Variants in SDK1 observed in about 807,000 individuals in gnomAD.
SDK1 encodes sidekick cell adhesion molecule 1, also known as protein sidekick-1.
Under a neutral mutation model 245.5 loss-of-function variants are expected in SDK1, and 157 were observed. That is an observed-to-expected ratio of 0.64 (90% CI 0.56 to 0.73). The LOEUF is 0.73. Ranked by LOEUF, SDK1 falls within the 30% of genes least tolerant of loss-of-function variation. The pLI, the probability that SDK1 is intolerant of heterozygous loss-of-function variation, is 0.00. For missense variants in SDK1, 3,583 were observed against 3,002.3 expected, an observed-to-expected ratio of 1.19 and a Z score of -4.52; for synonymous variants, 1,647 against 1,278.5, an observed-to-expected ratio of 1.29 and a Z score of -6.15.
intron 5 of SDK1, among the ~76,000 whole-genome samples, chr7:3,845,488 CAAAAAAAAAAAAA>C (rs369588343): frequency 5.0e-5 from 2 of 40,196 alleles, no homozygotes; most frequent in Non-Finnish European, 1.0e-4. Context: ...GACTCCGTCT[CAAAAAAAAAAAAA>C]AAAAAAAAAA....
At chr7:3,510,619 T>C (rs376487049) in intron 1 of SDK1, among the ~76,000 whole-genome samples, 16 of 152,266 alleles carry the variant, frequency 1.1e-4, no homozygotes, top group African/African-American at 1.4e-4. Context: ...AGACAGGTTT[T>C]AGTGGCAAGA....
intron 4 of SDK1, among the ~76,000 whole-genome samples, chr7:3,771,956 T>C (rs1318264451): frequency 1.3e-5 from 2 of 152,206 alleles, no homozygotes; most frequent in African/African-American, 4.8e-5. Context: ...CTTCTACTTT[T>C]TGTCTTATGA....
At chr7:3,942,576 G>A (rs764358775) in intron 5 of SDK1, among the ~76,000 whole-genome samples, 61 of 144,930 alleles carry the variant, frequency 4.2e-4, no homozygotes, top group African/African-American at 1.3e-3. Context: ...GTCTTTTTCC[G>A]TGTGTGTGTG....
At chr7:3,559,554 G>C (rs1403916402) in intron 1 of SDK1, among the ~76,000 whole-genome samples, 1 of 152,124 alleles carries the variant, frequency 6.6e-6, no homozygotes, top group African/African-American at 2.4e-5. Flanking sequence ...CTCAGATGTA[G>C]TCATTCATTG....
At chr7:3,395,035 A>C (rs887268167) in intron 1 of SDK1, among the ~76,000 whole-genome samples, 1 of 151,994 alleles carries the variant, frequency 6.6e-6, no homozygotes, top group African/African-American at 2.4e-5. Context: ...TGCTGTGCTG[A>C]ATAGAGGAGA....
chr7:4,221,173 TCACGGGGTGGGATGTGAGC>T, intron 39 of SDK1, 47 bp from the exon 40 acceptor site: 5 of 1,589,358 alleles, frequency 3.1e-6, no homozygotes, highest in East Asian at 2.2e-5. Context: ...CTGTGAAATC[TCACGGGGTGGGATGTGAGC>T]CCCGCAGGGC....
chr7:3,633,899 C>G (rs778985577), intron 2 of SDK1, among the ~76,000 whole-genome samples: 1 of 151,950 alleles, frequency 6.6e-6, no homozygotes, highest in Non-Finnish European at 1.5e-5. Flanking sequence ...CTGGCCCCAC[C>G]AAATACTGGC....
At chr7:3,732,958 T>C (rs1779221107) in intron 4 of SDK1, among the ~76,000 whole-genome samples, 1 of 152,198 alleles carries the variant, frequency 6.6e-6, no homozygotes, top group Non-Finnish European at 1.5e-5. Context: ...CAACCTAGTT[T>C]ATAGCAAGTA....
intron 4 of SDK1, among the ~76,000 whole-genome samples, chr7:3,792,119 C>A (rs1479983955): frequency 6.6e-6 from 1 of 152,024 alleles, no homozygotes; most frequent in Admixed American, 6.6e-5. Context: ...CAGGACGAGA[C>A]CCCCTTCCTA....
chr7:3,302,001 C>G (rs1779279340), intron 1 of SDK1, 117 bp downstream of exon 1: 4 of 781,394 alleles, frequency 5.1e-6, no homozygotes, highest in African/African-American at 3.7e-5. Context: ...CGGGATGCGC[C>G]TTGCTGGGGG....
chr7:3,376,027 C>G (rs1781347183), intron 1 of SDK1, among the ~76,000 whole-genome samples: 1 of 152,102 alleles, frequency 6.6e-6, no homozygotes, highest in Admixed American at 6.6e-5. Flanking sequence ...TTACTGAATT[C>G]TGCATCAAGA....
At chr7:3,744,478 C>G (rs990544723) in intron 4 of SDK1, among the ~76,000 whole-genome samples, 4 of 151,826 alleles carry the variant, frequency 2.6e-5, no homozygotes, top group Non-Finnish European at 5.9e-5. Flanking sequence ...CAAGGAATAT[C>G]ATCAATGAAA....
chr7:3,884,022 A>C (rs1168720050), intron 5 of SDK1, among the ~76,000 whole-genome samples: 1 of 151,280 alleles, frequency 6.6e-6, no homozygotes, highest in Non-Finnish European at 1.5e-5. Context: ...ACTTTACACA[A>C]TGTCATTCTA....
At chr7:3,523,196 A>C (rs1769281281) in intron 1 of SDK1, among the ~76,000 whole-genome samples, 2 of 152,230 alleles carry the variant, frequency 1.3e-5, no homozygotes, top group Admixed American at 1.3e-4. Context: ...AATTGACCTG[A>C]ATGATGTAAT....
intron 32 of SDK1, among the ~76,000 whole-genome samples, chr7:4,171,161 C>T (rs1562383855): frequency 6.6e-6 from 1 of 152,176 alleles, no homozygotes; most frequent in African/African-American, 2.4e-5. Context: ...GGTCAGTGGC[C>T]ACAGGGTGTG....
intron 1 of SDK1, among the ~76,000 whole-genome samples, chr7:3,551,170 C>A (rs1195273353): frequency 2.6e-5 from 4 of 152,052 alleles, no homozygotes; most frequent in African/African-American, 7.3e-5. Context: ...GAGTTACAAC[C>A]CGGCCAACAC....
chr7:4,267,444 C>T lies in SDK1; in HGVS notation c.*2060C>T, dbSNP rs1788536621. On this transcript the variant is annotated 3_prime_UTR_variant, in exon 45 of 45. Coordinates refer to ENST00000404826, the MANE Select transcript of SDK1 (RefSeq NM_152744.4). ...ACTTCTGCATGAGAATCGCAACCCA[C>T]AGTTCCCCGGATGAGACTCACCACA... is the stretch of plus-strand genomic sequence containing the variant. 2.0e-6 allele frequency: 2 copies of T among 985,498 alleles called. No homozygotes were observed. Among genetic ancestry groups the T allele is most frequent in the Non-Finnish European group, 2.4e-6 (2 of 829,986 alleles). 61.0% of individuals were successfully genotyped at this position (985,498 alleles called of 1,614,324 possible). A position where few individuals can be genotyped will look rare whatever the true frequency, so the allele number is the denominator to read the frequency against.
intron 35 of SDK1, among the ~76,000 whole-genome samples, chr7:4,183,818 A>C (rs778122429): frequency 8.5e-5 from 13 of 152,264 alleles, no homozygotes; most frequent in South Asian, 2.1e-4. Context: ...TTAAACTAAA[A>C]AGTAAATTCC....
At chr7:3,966,424 G>A (rs1000779689) in intron 9 of SDK1, among the ~76,000 whole-genome samples, 2 of 152,118 alleles carry the variant, frequency 1.3e-5, no homozygotes, top group African/African-American at 4.8e-5. Context: ...TTATTGGGTA[G>A]CACAGAGTTA....
Sources: allele counts gnomAD v4.1 joint callset (sites outside exome capture counted in the v4.1 genomes callset), GRCh38; gene constraint gnomAD v4.1.1; transcripts MANE v1.5; gene names NCBI Gene and HGNC (gene_info 2026-07-23, HGNC 2026-07-21).